Variants in MSRA observed in about 807,000 individuals in gnomAD.
The protein encoded by MSRA is mitochondrial peptide methionine sulfoxide reductase.
In MSRA, 54 loss-of-function variants were observed where a neutral mutation model predicts 31.3. The observed-to-expected ratio is 1.73, with a 90% CI of 1.39 to 2.17. MSRA has a LOEUF of 2.17. Ranked by LOEUF, MSRA falls within the 30% of genes most tolerant of loss-of-function variation. The pLI, the probability that MSRA is intolerant of heterozygous loss-of-function variation, is 0.00. For synonymous variants in MSRA, 169 were observed against 116.5 expected, an observed-to-expected ratio of 1.45 and a Z score of -2.90; for missense variants, 507 against 300.9, an observed-to-expected ratio of 1.69 and a Z score of -5.07.
chr8:10,306,821 G>T (rs987451977), intron 4 of MSRA, among the ~76,000 whole-genome samples: 1 of 152,290 alleles, frequency 6.6e-6, no homozygotes, highest in African/African-American at 2.4e-5. Context: ...TCAGTTTTGT[G>T]TGACTTCACC....
At chr8:10,191,863 T>C (rs767712025) in intron 1 of MSRA, among the ~76,000 whole-genome samples, 99 of 152,196 alleles carry the variant, frequency 6.5e-4, no homozygotes, top group Non-Finnish European at 1.2e-3. Flanking sequence ...GTATAATCAA[T>C]TATTCTAAAA....
intron 1 of MSRA, among the ~76,000 whole-genome samples, chr8:10,194,238 C>G (rs1905634): frequency 0.54 from 81,408 of 152,032 alleles, 22,918 homozygotes; most frequent in African/African-American, 0.73. Context: ...ATTTTGCATG[C>G]TTGATCCTCT....
At position 10,113,763 on chromosome 8, in the gene MSRA, ATT is replaced by A. The variant is rs1178311984; in HGVS notation, c.142+59118_142+59119del. Among the ~76,000 whole-genome samples, 5 of 147,786 alleles carry A rather than the reference ATT, an allele frequency of 3.4e-5. No individual in the cohort carries two copies. The East Asian group carries it at 5.9e-4, about 17-fold the overall frequency. The stretch of plus-strand genomic sequence containing the variant: ...AGCCTTAAGCAGCCCAGGTATTTGC[ATT>A]TTTTTTTTTTTTAAAAAAAAGATTA... On this transcript the variant is annotated intron_variant, in intron 1 of 5. Coordinates refer to ENST00000317173, the MANE Select transcript of MSRA (RefSeq NM_012331.5).
intron 5 of MSRA, among the ~76,000 whole-genome samples, chr8:10,363,205 G>C (rs1037424156): frequency 1.3e-5 from 2 of 152,194 alleles, no homozygotes; most frequent in African/African-American, 2.4e-5. Flanking sequence ...TCATTTTCCA[G>C]CTGGGAGAGC....
chr8:10,356,905 A>AT (rs1181317124), intron 5 of MSRA, among the ~76,000 whole-genome samples: 2 of 133,594 alleles, frequency 1.5e-5, no homozygotes, highest in African/African-American at 5.4e-5. Context: ...AAAAAAAAAA[A>AT]AAAAATATAT....
At chr8:10,345,528 A>G (rs763607850) in intron 5 of MSRA, among the ~76,000 whole-genome samples, 28 of 152,224 alleles carry the variant, frequency 1.8e-4, no homozygotes, top group Non-Finnish European at 3.5e-4. Flanking sequence ...CATCTTCCAC[A>G]CAATGTAAAA....
chr8:10,117,199 C>G (rs1800747567), intron 1 of MSRA, among the ~76,000 whole-genome samples: 2 of 152,106 alleles, frequency 1.3e-5, no homozygotes, highest in African/African-American at 2.4e-5. Flanking sequence ...GGCATGCCTA[C>G]TTTGTTGAGT....
At chr8:10,382,001 A>G (rs1234298229) in intron 5 of MSRA, among the ~76,000 whole-genome samples, 1 of 152,248 alleles carries the variant, frequency 6.6e-6, no homozygotes, top group African/African-American at 2.4e-5. Context: ...ATTGGAGAAT[A>G]GTAATGCTAA....
chr8:10,154,105 A>G (rs1380817187), intron 1 of MSRA, among the ~76,000 whole-genome samples: 1 of 152,198 alleles, frequency 6.6e-6, no homozygotes, highest in Non-Finnish European at 1.5e-5. Flanking sequence ...AACCCATAAT[A>G]TAGATTGTAT....
At chr8:10,129,980 A>T (rs915040484) in intron 1 of MSRA, among the ~76,000 whole-genome samples, 1 of 152,208 alleles carries the variant, frequency 6.6e-6, no homozygotes, top group Admixed American at 6.5e-5. Flanking sequence ...GTGAGTTTGT[A>T]TGTGCACCTA....
At chr8:10,298,335 C>G (rs552545971) in intron 3 of MSRA, among the ~76,000 whole-genome samples, 1 of 152,050 alleles carries the variant, frequency 6.6e-6, no homozygotes, top group Non-Finnish European at 1.5e-5. Flanking sequence ...ATGGGTGAAC[C>G]TTGAGGACAT....
chr8:10,182,288 A>G (rs1806614502), intron 1 of MSRA, among the ~76,000 whole-genome samples: 1 of 152,278 alleles, frequency 6.6e-6, no homozygotes, highest in Non-Finnish European at 1.5e-5. Context: ...GTTAAGGCCA[A>G]GAGTATAAAC....
At chr8:10,422,534 A>C (rs1051030841) in intron 5 of MSRA, among the ~76,000 whole-genome samples, 7 of 152,212 alleles carry the variant, frequency 4.6e-5, no homozygotes, top group African/African-American at 1.7e-4. Context: ...GTGTCGCCCC[A>C]CATGTGTTAC....
chr8:10,355,952 G>A (rs4526367), intron 5 of MSRA, among the ~76,000 whole-genome samples: 117,690 of 151,632 alleles, frequency 0.78, 46,974 homozygotes, highest in East Asian at 0.97. Flanking sequence ...CTAGGATTGA[G>A]GAAGGGGTCT....
chr8:10,221,119 C>T (rs1290128784), intron 2 of MSRA, among the ~76,000 whole-genome samples: 1 of 152,212 alleles, frequency 6.6e-6, no homozygotes, highest in Non-Finnish European at 1.5e-5. Context: ...GCTCTGCTTT[C>T]CCACGTGCAG....
At chr8:10,223,727 T>C (rs1206011868) in intron 2 of MSRA, among the ~76,000 whole-genome samples, 3 of 152,048 alleles carry the variant, frequency 2.0e-5, no homozygotes, top group African/African-American at 7.3e-5. Flanking sequence ...GATGAAAAAT[T>C]GTAGGGGTGT....
chr8:10,390,511 C>T (rs1257669181), intron 5 of MSRA, among the ~76,000 whole-genome samples: 1 of 152,190 alleles, frequency 6.6e-6, no homozygotes, highest in East Asian at 1.9e-4. Context: ...CAGGGGCATC[C>T]TGTGCACATT....
At chr8:10,332,017 C>T (rs1802729794) in intron 5 of MSRA, among the ~76,000 whole-genome samples, 1 of 152,148 alleles carries the variant, frequency 6.6e-6, no homozygotes, top group Non-Finnish European at 1.5e-5. Context: ...GTGACTTCAT[C>T]CTGCCTTTCT....
chr8:10,396,795 C>A (rs1807123389), intron 5 of MSRA, among the ~76,000 whole-genome samples: 1 of 152,210 alleles, frequency 6.6e-6, no homozygotes, highest in Admixed American at 6.5e-5. Flanking sequence ...AATGAAATTG[C>A]CCAAGCCCAG....
Sources: gnomAD v4.1 joint callset for allele counts (sites outside exome capture counted in the v4.1 genomes callset) on GRCh38, gnomAD v4.1.1 for gene constraint, MANE v1.5 for transcripts, NCBI Gene and HGNC (gene_info 2026-07-23, HGNC 2026-07-21) for gene names.